Variants in SPRY3 observed in about 807,000 individuals in gnomAD.
The protein encoded by SPRY3 is sprouty RTK signaling antagonist 3.
In SPRY3, 15 loss-of-function variants were observed where a neutral mutation model predicts 20.2. The observed-to-expected ratio is 0.74, with a 90% CI of 0.50 to 1.14. SPRY3 has a LOEUF of 1.14. Among genes scored for constraint, SPRY3 ranks in the 50% most tolerant of loss-of-function variants. The probability of loss-of-function intolerance (pLI) is 0.00; values close to 1 mark genes in which losing one functional copy is unlikely to be tolerated. For synonymous variants in SPRY3, 143 were observed against 136.5 expected, an observed-to-expected ratio of 1.05 and a Z score of -0.33; for missense variants, 364 against 363.9, an observed-to-expected ratio of 1.00 and a Z score of 0.00.
intron 2 of SPRY3, among the ~76,000 whole-genome samples, chrX:155,746,944 T>C (rs1340743253): frequency 6.6e-6 from 1 of 151,920 alleles, no homozygotes; most frequent in Admixed American, 6.6e-5. Flanking sequence ...ATTTACTCTT[T>C]CTTTAAATCT....
rs2091043898 is a variant in SPRY3, at chrX:155,719,677, T to C, written c.-281-48285T>C. Among the ~76,000 whole-genome samples the C allele has an allele frequency of 1.3e-5, 2 of 151,938 alleles. 1 individual carries two copies. Among genetic ancestry groups the C allele is most frequent in the South Asian group, 4.2e-4 (2 of 4,812 alleles). On this transcript the variant is annotated intron_variant, in intron 2 of 3. Coordinates refer to ENST00000675360, the Ensembl canonical transcript of SPRY3. ...GCATTGGTCAGAGTCACAAGACCCC[T>C]TTTCAGGGCCTAGCTCCCAGACGAC...
intron 2 of SPRY3, among the ~76,000 whole-genome samples, chrX:155,730,563 C>T (rs1282304915): frequency 6.6e-6 from 1 of 151,986 alleles, no homozygotes; most frequent in East Asian, 1.9e-4. Flanking sequence ...CCATATATGA[C>T]AGACCCACAG....
chrX:155,697,973 G>A (rs1463980135), intron 2 of SPRY3, among the ~76,000 whole-genome samples: 1 of 111,182 alleles, frequency 9.0e-6, no homozygotes. Flanking sequence ...AAACAAGAAT[G>A]TATTATTATC....
chrX:155,692,976 T>A (rs2068108047), intron 2 of SPRY3, among the ~76,000 whole-genome samples: 1 of 110,992 alleles, frequency 9.0e-6, no homozygotes, highest in African/African-American at 3.3e-5. Flanking sequence ...CTTTAATTTA[T>A]TTATTACGTT....
intron 1 of SPRY3, among the ~76,000 whole-genome samples, chrX:155,633,394 A>AAAC (rs2067913293): frequency 9.4e-6 from 1 of 106,757 alleles, no homozygotes; most frequent in African/African-American, 3.4e-5. Flanking sequence ...AAAAAAAAAA[A>AAAC]AAAAAAAAAG....
intron 2 of SPRY3, among the ~76,000 whole-genome samples, chrX:155,720,447 C>G (rs1414636565): frequency 6.6e-6 from 1 of 152,098 alleles, no homozygotes. Context: ...TGGTCTTGAG[C>G]AAGCATAGGC....
intron 1 of SPRY3, among the ~76,000 whole-genome samples, chrX:155,624,345 C>G (rs1315507189): frequency 9.0e-6 from 1 of 111,607 alleles, no homozygotes; most frequent in Non-Finnish European, 1.9e-5. Context: ...AATCTTTTAA[C>G]AAAATTGTTA....
At chrX:155,728,780 A>T (rs1403809964) in intron 2 of SPRY3, among the ~76,000 whole-genome samples, 1 of 152,086 alleles carries the variant, frequency 6.6e-6, no homozygotes, top group Non-Finnish European at 1.5e-5. Flanking sequence ...GTGAGGCGAC[A>T]CCCTGCCCTG....
chrX:155,681,190 A>T (rs2068073203), intron 2 of SPRY3, among the ~76,000 whole-genome samples: 1 of 111,583 alleles, frequency 9.0e-6, no homozygotes, highest in African/African-American at 3.3e-5. Context: ...TAATTGAGTC[A>T]TGGGGGCGGT....
intron 2 of SPRY3, among the ~76,000 whole-genome samples, chrX:155,733,130 C>T: frequency 6.6e-6 from 1 of 151,766 alleles, no homozygotes; most frequent in Non-Finnish European, 1.5e-5. Context: ...TTTAGTTGTA[C>T]ATTTTAAGAT....
At chrX:155,760,760 A>C (rs1314769644) in intron 2 of SPRY3, among the ~76,000 whole-genome samples, 1 of 152,064 alleles carries the variant, frequency 6.6e-6, no homozygotes, top group Non-Finnish European at 1.5e-5. Context: ...TGAAAATCTA[A>C]TGCCACTGCT....
rs1419922677 is a variant in SPRY3, at chrX:155,636,263, C to T, written c.-440-20604C>T. Among the ~76,000 whole-genome samples the T allele has an allele frequency of 2.7e-5, 3 of 111,797 alleles. No individual in the cohort carries two copies. The East Asian group carries it at 8.4e-4, about 31-fold the overall frequency. On this transcript the variant is annotated intron_variant, in intron 1 of 3. Coordinates refer to ENST00000675360, the Ensembl canonical transcript of SPRY3. ...TCTCCAAAGAAATTAGGTTGCTGTC[C>T]CACAGTGGGGTCAGAGAGGACTATG...
At chrX:155,679,279 G>C (rs372186142) in intron 2 of SPRY3, among the ~76,000 whole-genome samples, 8 of 111,644 alleles carry the variant, frequency 7.2e-5, no homozygotes, top group African/African-American at 2.6e-4. Context: ...ATCTATTCAT[G>C]ATGCTATAAC....
chrX:155,643,921 G>A (rs782519194), intron 1 of SPRY3, among the ~76,000 whole-genome samples: 1 of 111,511 alleles, frequency 9.0e-6, no homozygotes, highest in African/African-American at 3.3e-5. Context: ...CACAGTTACA[G>A]TGTTGTAATA....
intron 2 of SPRY3, among the ~76,000 whole-genome samples, chrX:155,724,325 G>C (rs2088583416): frequency 6.6e-6 from 1 of 152,140 alleles, no homozygotes; most frequent in South Asian, 2.1e-4. Flanking sequence ...TGTGAAGAAA[G>C]TCATTGGTAG....
intron 2 of SPRY3, among the ~76,000 whole-genome samples, chrX:155,727,967 G>A (rs1005164742): frequency 6.6e-6 from 1 of 151,968 alleles, no homozygotes; most frequent in Admixed American, 6.6e-5. Flanking sequence ...GATGTTGGTG[G>A]ATGGGGTTTT....
At chrX:155,614,245 T>C (rs2067842909) in intron 1 of SPRY3, among the ~76,000 whole-genome samples, 1 of 111,438 alleles carries the variant, frequency 9.0e-6, no homozygotes, top group South Asian at 3.7e-4. Flanking sequence ...AAAGAACAAA[T>C]TGGAGTTGGC....
At chrX:155,689,823 T>C (rs1398914527) in intron 2 of SPRY3, among the ~76,000 whole-genome samples, 1 of 87,176 alleles carries the variant, frequency 1.1e-5, no homozygotes, top group Non-Finnish European at 2.1e-5. Flanking sequence ...CTTCTTCAGT[T>C]CAGCTCTGAT....
At chrX:155,625,471 T>C (rs2067885268) in intron 1 of SPRY3, among the ~76,000 whole-genome samples, 1 of 112,032 alleles carries the variant, frequency 8.9e-6, no homozygotes. Context: ...AGTCAGTATC[T>C]TAATTGGTCA....
Sources: allele counts gnomAD v4.1 joint callset (sites outside exome capture counted in the v4.1 genomes callset), GRCh38; gene constraint gnomAD v4.1.1; transcripts MANE v1.5; gene names NCBI Gene and HGNC (gene_info 2026-07-23, HGNC 2026-07-21).